The following PTPRD variants were observed in gnomAD, a reference collection of about 807,000 sequenced individuals.
PTPRD encodes protein tyrosine phosphatase receptor type D, also known as receptor-type tyrosine-protein phosphatase delta.
PTPRD carries 34 observed loss-of-function variants against 214.5 expected under a neutral mutation model. The ratio of observed to expected loss-of-function variants is 0.16; its 90% CI spans 0.12 to 0.21. The LOEUF is 0.21. Among genes scored for constraint, PTPRD ranks in the 10% least tolerant of loss-of-function variants. The pLI is 1.00. For missense variants in PTPRD, 2,545 were observed against 2,398.7 expected, an observed-to-expected ratio of 1.06 and a Z score of -1.27; for synonymous variants, 1,128 against 845.7, an observed-to-expected ratio of 1.33 and a Z score of -5.79.
At chr9:8,487,544 G>T (rs904624386) in intron 27 of PTPRD, among the ~76,000 whole-genome samples, 4 of 151,832 alleles carry the variant, frequency 2.6e-5, no homozygotes, top group Non-Finnish European at 4.4e-5. Flanking sequence ...GCGGCTGGGT[G>T]TGGTGGCTCA....
chr9:10,501,209 C>T (rs1344559341), intron 2 of PTPRD, among the ~76,000 whole-genome samples: 1 of 151,876 alleles, frequency 6.6e-6, no homozygotes, highest in Non-Finnish European at 1.5e-5. Context: ...TTCACTGGTG[C>T]CTATCTTTGG....
intron 9 of PTPRD, among the ~76,000 whole-genome samples, chr9:9,322,808 A>C (rs759950819): frequency 2.6e-5 from 4 of 152,152 alleles, no homozygotes; most frequent in Non-Finnish European, 5.9e-5. Context: ...AACAGGTACT[A>C]CTATACTGGC....
intron 8 of PTPRD, among the ~76,000 whole-genome samples, chr9:9,429,837 G>A (rs1416012495): frequency 6.6e-6 from 1 of 151,478 alleles, no homozygotes; most frequent in Non-Finnish European, 1.5e-5. Context: ...AAAGGCCTTT[G>A]ACAAAATTCA....
At chr9:8,671,600 G>A (rs12336593) in intron 12 of PTPRD, among the ~76,000 whole-genome samples, 44,805 of 151,886 alleles carry the variant, frequency 0.29, 7,180 homozygotes, top group African/African-American at 0.41. Context: ...TATTTTATCT[G>A]TAGGAATCAG....
chr9:9,670,936 T>A lies in PTPRD; in HGVS notation c.-287+63597A>T, dbSNP rs557841742. 2.0e-5 allele frequency among the ~76,000 whole-genome samples: 3 copies of A among 152,174 alleles called. No individual in the cohort carries two copies. The East Asian group carries it at 5.8e-4, about 29-fold the overall frequency. ...TGTGGGGTTGGAGATCCCCACAGAGTCTCTACTCGTAGTGGAGTAGTAAGA... is the reference window on the plus strand; with the variant it reads ...TGTGGGGTTGGAGATCCCCACAGAGACTCTACTCGTAGTGGAGTAGTAAGA... On this transcript the variant is annotated intron_variant, in intron 7 of 45. Transcript: ENST00000381196.
chr9:9,130,119 C>T (rs1028997790), intron 10 of PTPRD, among the ~76,000 whole-genome samples: 40 of 152,018 alleles, frequency 2.6e-4, no homozygotes, highest in African/African-American at 9.2e-4. Flanking sequence ...AAAAGCTATT[C>T]CTGCACTGAA....
intron 3 of PTPRD, among the ~76,000 whole-genome samples, chr9:10,157,830 T>A (rs13292989): frequency 0.21 from 31,419 of 151,928 alleles, 3,436 homozygotes; most frequent in Admixed American, 0.29. Context: ...TTAGTTTTAT[T>A]TATTATTTTT....
At chr9:9,156,583 T>C (rs1015988005) in intron 10 of PTPRD, among the ~76,000 whole-genome samples, 5 of 152,226 alleles carry the variant, frequency 3.3e-5, no homozygotes, top group African/African-American at 9.6e-5. Context: ...CAAGAGATTA[T>C]GTATAAATAT....
chr9:9,853,670 T>G (rs905437813), intron 5 of PTPRD, among the ~76,000 whole-genome samples: 3 of 152,110 alleles, frequency 2.0e-5, no homozygotes, highest in Non-Finnish European at 4.4e-5. Flanking sequence ...TGCCTCAGCC[T>G]CCTGAGTAGT....
rs34458091 is a variant in PTPRD at position 9,781,797 on chromosome 9, AT to A, written c.-367-14947del. Among the ~76,000 whole-genome samples the A allele has an allele frequency of 4.9e-3, 714 of 146,612 alleles. 20 individuals carry two copies. The highest frequency in any genetic ancestry group is 0.033 in the Admixed American group (495 of 14,830). ...ACTAACATTTTTTGTCTGGACTCAT[AT>A]TTTTTTTTTTTTTAGACGGAGTCTC... On this transcript the variant is annotated intron_variant, in intron 5 of 45. Coordinates refer to ENST00000381196, the MANE Select transcript of PTPRD (RefSeq NM_002839.4).
chr9:8,812,685 C>T (rs1413020962), intron 11 of PTPRD, among the ~76,000 whole-genome samples: 1 of 151,762 alleles, frequency 6.6e-6, no homozygotes, highest in Non-Finnish European at 1.5e-5. Context: ...TTAGCCAATG[C>T]CATAGCAAGG....
At chr9:9,465,451 T>C (rs1000491022) in intron 8 of PTPRD, among the ~76,000 whole-genome samples, 1 of 152,176 alleles carries the variant, frequency 6.6e-6, no homozygotes, top group Non-Finnish European at 1.5e-5. Flanking sequence ...AGGAGTCCAT[T>C]ACTCAAGTGT....
At chr9:9,053,296 A>T (rs1278383518) in intron 10 of PTPRD, among the ~76,000 whole-genome samples, 6 of 152,160 alleles carry the variant, frequency 3.9e-5, no homozygotes, top group Non-Finnish European at 2.9e-5. Flanking sequence ...CATGATATTA[A>T]TAGGGCTATT....
chr9:9,275,092 TTA>T (rs71485094), intron 9 of PTPRD, among the ~76,000 whole-genome samples: 9,771 of 74,156 alleles, frequency 0.13, 931 homozygotes, highest in Non-Finnish European at 0.17. Context: ...AATATATATG[TTA>T]TATATATAAT....
chr9:8,322,889 T>A (rs922659177), intron 44 of PTPRD, among the ~76,000 whole-genome samples: 2 of 152,144 alleles, frequency 1.3e-5, no homozygotes, highest in Admixed American at 6.6e-5. Context: ...GCTGGTGACA[T>A]TAAGCTGAAG....
chr9:9,294,012 T>C (rs1431910078), intron 9 of PTPRD, among the ~76,000 whole-genome samples: 3 of 151,592 alleles, frequency 2.0e-5, no homozygotes, highest in Non-Finnish European at 4.4e-5. Flanking sequence ...AAATAAGGGT[T>C]ACTTGGACAC....
chr9:10,538,578 G>A (rs2058404430), intron 2 of PTPRD, among the ~76,000 whole-genome samples: 1 of 151,930 alleles, frequency 6.6e-6, no homozygotes, highest in African/African-American at 2.4e-5. Flanking sequence ...TTGGTTTTCT[G>A]ACTGTGCTAT....
chr9:10,250,326 T>G (rs1007047222), intron 3 of PTPRD, among the ~76,000 whole-genome samples: 9 of 152,094 alleles, frequency 5.9e-5, no homozygotes, highest in African/African-American at 1.9e-4. Flanking sequence ...ATAACCAAAT[T>G]TTAAATTAAC....
chr9:8,719,655 A>G (rs756594550), intron 12 of PTPRD, among the ~76,000 whole-genome samples: 2 of 152,154 alleles, frequency 1.3e-5, no homozygotes, highest in Non-Finnish European at 2.9e-5. Flanking sequence ...GGCTGTGGCT[A>G]CTTTCTTGTT....
Sources: allele counts gnomAD v4.1 joint callset (sites outside exome capture counted in the v4.1 genomes callset), GRCh38; gene constraint gnomAD v4.1.1; transcripts MANE v1.5; gene names NCBI Gene and HGNC (gene_info 2026-07-23, HGNC 2026-07-21).